Variants in GPD2 observed in about 807,000 individuals in gnomAD.
The protein encoded by GPD2 is glycerol-3-phosphate dehydrogenase, mitochondrial.
A neutral mutation model predicts 82.4 loss-of-function variants in GPD2; 54 were observed. The ratio of observed to expected loss-of-function variants is 0.66; its 90% CI spans 0.53 to 0.82. GPD2 has a LOEUF of 0.82. Ranked by LOEUF, GPD2 falls within the 40% of genes least tolerant of loss-of-function variation. The pLI, the probability that GPD2 is intolerant of heterozygous loss-of-function variation, is 0.00. For synonymous variants in GPD2, 288 were observed against 306.1 expected (o/e 0.94, Z 0.62); for missense variants, 748 against 896.2 (o/e 0.83, Z 2.11).
the GPD2 span, among the ~76,000 whole-genome samples, chr2:156,419,877 G>T: frequency 1.3e-5 from 2 of 152,216 alleles, no homozygotes; most frequent in African/African-American, 4.8e-5. Context: ...AACATGAAAG[G>T]TGATGCTGAC....
chr2:156,534,756 C>T (rs1331825292), intron 6 of GPD2, among the ~76,000 whole-genome samples: 1 of 151,420 alleles, frequency 6.6e-6, no homozygotes, highest in Non-Finnish European at 1.5e-5. Context: ...ATCTATAAGT[C>T]AGCTAATGTG....
At chr2:156,565,897 TTTTTACACA>T (rs992296749) in intron 9 of GPD2, among the ~76,000 whole-genome samples, 1 of 152,118 alleles carries the variant, frequency 6.6e-6, no homozygotes, top group African/African-American at 2.4e-5. Context: ...TCTTTGTGAC[TTTTTACACA>T]AAGAGTCTGC....
At chr2:156,471,401 C>T (rs1017622122) in intron 1 of GPD2, among the ~76,000 whole-genome samples, 6 of 152,216 alleles carry the variant, frequency 3.9e-5, no homozygotes, top group Admixed American at 3.9e-4. Context: ...CTTCCTTAAT[C>T]TACAGCCTCT....
intron 1 of GPD2, among the ~76,000 whole-genome samples, chr2:156,462,824 A>G (rs1393844337): frequency 2.0e-5 from 3 of 152,232 alleles, no homozygotes; most frequent in Admixed American, 6.5e-5. Context: ...CTTGTATTTG[A>G]AACAGTTAAA....
chr2:156,495,601 A>G (rs1471861413), intron 2 of GPD2: 5 of 464,938 alleles, frequency 1.1e-5, no homozygotes, highest in South Asian at 7.9e-5. Context: ...TGAAGAATGT[A>G]TACTTCTGAG....
rs184782124 is a variant in GPD2, at chr2:156,467,946, G to A, written c.-8-8152G>A. ...TTCTCTGCTTGGCTGGGGGGAATGC[G>A]TTTGCAGGCAGAGTACTAATCATGA... On this transcript the variant is annotated intron_variant, in intron 1 of 16. Coordinates refer to ENST00000438166, the MANE Select transcript of GPD2 (RefSeq NM_000408.5). 1.4e-4 allele frequency among the ~76,000 whole-genome samples: 22 copies of A among 152,132 alleles called. No individual in the cohort carries two copies. In the East Asian group the frequency reaches 2.9e-3, roughly 20 times the overall value.
At chr2:156,495,475 T>C (rs1684335573) in intron 2 of GPD2, 1 of 250,716 alleles carries the variant, frequency 4.0e-6, no homozygotes, top group African/African-American at 2.3e-5. Context: ...ATAATTCTCA[T>C]TAAACATAGC....
chr2:156,582,099 C>T (rs764993403), intron 16 of GPD2, among the ~76,000 whole-genome samples: 3 of 151,910 alleles, frequency 2.0e-5, no homozygotes, highest in Non-Finnish European at 4.4e-5. Context: ...ATAGTTGAAA[C>T]CACATCAAAC....
At chr2:156,541,430 A>T (rs994286467) in intron 6 of GPD2, among the ~76,000 whole-genome samples, 1 of 152,184 alleles carries the variant, frequency 6.6e-6, no homozygotes, top group African/African-American at 2.4e-5. Flanking sequence ...CAGCTAGGCC[A>T]TTCTGATCTC....
At chr2:156,439,201 ATGTC>A (rs1261468706) in intron 1 of GPD2, among the ~76,000 whole-genome samples, 13 of 152,154 alleles carry the variant, frequency 8.5e-5, no homozygotes, top group African/African-American at 3.1e-4. Context: ...ACTTGTCACT[ATGTC>A]TGTGAAGTTT....
intron 1 of GPD2, among the ~76,000 whole-genome samples, chr2:156,452,337 C>T (rs879563138): frequency 1.3e-5 from 2 of 152,236 alleles, no homozygotes; most frequent in Non-Finnish European, 2.9e-5. Context: ...GGATCACTCG[C>T]GGTTAGGAGC....
the GPD2 span, among the ~76,000 whole-genome samples, chr2:156,421,428 A>T: frequency 6.6e-6 from 1 of 152,224 alleles, no homozygotes; most frequent in Non-Finnish European, 1.5e-5. Context: ...AAAGAGGTTG[A>T]GTAGATATTA....
At chr2:156,463,557 G>A (rs1683057601) in intron 1 of GPD2, among the ~76,000 whole-genome samples, 1 of 152,252 alleles carries the variant, frequency 6.6e-6, no homozygotes, top group Admixed American at 6.5e-5. Flanking sequence ...AGTTAAAATA[G>A]CTTTGGACAT....
intron 6 of GPD2, among the ~76,000 whole-genome samples, chr2:156,528,976 T>G (rs1685725518): frequency 6.6e-6 from 1 of 151,906 alleles, no homozygotes; most frequent in African/African-American, 2.4e-5. Context: ...CTGGGACAAA[T>G]GGTATTTCTA....
At chr2:156,518,322 A>T (rs1421120477) in intron 6 of GPD2, among the ~76,000 whole-genome samples, 4 of 152,242 alleles carry the variant, frequency 2.6e-5, no homozygotes, top group Non-Finnish European at 1.5e-5. Context: ...ATTCTGCAGC[A>T]GGATATAATG....
rs1323809364 is a variant in GPD2, at chr2:156,563,003, C to T, written c.1165+5421C>T. 2.0e-5 allele frequency among the ~76,000 whole-genome samples: 3 copies of T among 152,188 alleles called. No individual in the cohort carries two copies. In the East Asian group the frequency reaches 5.8e-4, roughly 29 times the overall value. ...GTGGTCTTTAATGATGGATTTTTCT[C>T]AACTTTATTTAATAGTAGTTTTTTT... is the stretch of plus-strand genomic sequence containing the variant. On this transcript the variant is annotated intron_variant, in intron 9 of 16. Coordinates refer to ENST00000438166, the MANE Select transcript of GPD2 (RefSeq NM_000408.5).
At chr2:156,403,612 G>GGTGT in the GPD2 span, among the ~76,000 whole-genome samples, 4,165 of 147,838 alleles carry the variant, frequency 0.028, 79 homozygotes, top group Middle Eastern at 0.052. Flanking sequence ...GCATTCAAAG[G>GGTGT]GTGTGTGTGT....
At chr2:156,579,627 C>T in intron 15 of GPD2, 63 bp from the exon 16 acceptor site, 3 of 864,696 alleles carry the variant, frequency 3.5e-6, no homozygotes, top group Non-Finnish European at 5.9e-6. Context: ...CCTCCTTGCC[C>T]AGCCAAAGCA....
At chr2:156,559,786 C>T (rs1159367221) in intron 9 of GPD2, among the ~76,000 whole-genome samples, 1 of 152,174 alleles carries the variant, frequency 6.6e-6, no homozygotes, top group Admixed American at 6.5e-5. Context: ...CACACTCATA[C>T]ATGGTATTTG....
Sources: allele counts gnomAD v4.1 joint callset (sites outside exome capture counted in the v4.1 genomes callset), GRCh38; gene constraint gnomAD v4.1.1; transcripts MANE v1.5; gene names NCBI Gene and HGNC (gene_info 2026-07-23, HGNC 2026-07-21).